The following GSG1L variants were observed in gnomAD, a reference collection of about 807,000 sequenced individuals.
GSG1L encodes the protein GSG1 like, also known as germ cell-specific gene 1-like protein.
GSG1L carries 24 observed loss-of-function variants against 42.1 expected under a neutral mutation model. That is an observed-to-expected ratio of 0.57 (90% CI 0.41 to 0.80). The LOEUF is 0.80. GSG1L is among the 30% of genes least tolerant of loss of function. The pLI, the probability that GSG1L is intolerant of heterozygous loss-of-function variation, is 0.00. For synonymous variants in GSG1L, 215 were observed against 203.5 expected, an observed-to-expected ratio of 1.06 and a Z score of -0.48; for missense variants, 445 against 472.2, an observed-to-expected ratio of 0.94 and a Z score of 0.53.
chr16:27,915,933 T>C (rs2084450298), intron 2 of GSG1L, among the ~76,000 whole-genome samples: 1 of 152,226 alleles, frequency 6.6e-6, no homozygotes, highest in African/African-American at 2.4e-5. Flanking sequence ...CATTTAACTT[T>C]TTTTGCAGTG....
chr16:28,033,504 TA>T, intron 1 of GSG1L, among the ~76,000 whole-genome samples: 1 of 137,088 alleles, frequency 7.3e-6, no homozygotes, highest in East Asian at 2.0e-4. Flanking sequence ...TTAAATCAAA[TA>T]AAAAAGAAAA....
At chr16:27,922,048 G>A (rs1385540855) in intron 2 of GSG1L, among the ~76,000 whole-genome samples, 1 of 138,614 alleles carries the variant, frequency 7.2e-6, no homozygotes, top group African/African-American at 2.7e-5. Context: ...CTTCAGTGCT[G>A]GTGATCAGAA....
At position 27,874,441 on chromosome 16, in the gene GSG1L, C is replaced by CTTTTTTTTTTTTTTTTTTTT. The variant is rs71140916; in HGVS notation, c.550+10025_550+10044dup. On this transcript the variant is annotated intron_variant, in intron 3 of 6. Transcript: ENST00000447459. Reference sequence around the variant, plus strand: ...TCTGGACACTGAAGCACAGGAGAGCCTTTTTTTTTTTTTTTTTTTTTTTTT... The same window carrying CTTTTTTTTTTTTTTTTTTTT: ...TCTGGACACTGAAGCACAGGAGAGCCTTTTTTTTTTTTTTTTTTTTTTTTTTTTTTTTTTTTTTTTTTTTT... Among the ~76,000 whole-genome samples, 7 of 94,472 alleles carry CTTTTTTTTTTTTTTTTTTTT rather than the reference C, an allele frequency of 7.4e-5. 2 individuals are homozygous for CTTTTTTTTTTTTTTTTTTTT. Among genetic ancestry groups the CTTTTTTTTTTTTTTTTTTTT allele is most frequent in the African/African-American group, 1.1e-4 (3 of 26,988 alleles). The allele number at this position is 94,472 out of a possible 152,430, so 62.0% of individuals were successfully genotyped here.
chr16:27,883,267 GAA>G (rs10708292), intron 3 of GSG1L, among the ~76,000 whole-genome samples: 4 of 148,924 alleles, frequency 2.7e-5, no homozygotes, highest in East Asian at 2.0e-4. Flanking sequence ...AGATGGAGGG[GAA>G]AAAAAAAAGA....
chr16:27,909,960 T>C (rs867755921), intron 2 of GSG1L, among the ~76,000 whole-genome samples: 5,085 of 145,714 alleles, frequency 0.035, 215 homozygotes, highest in African/African-American at 0.12. Context: ...TCTTTCTTTT[T>C]TTTTTTTTTT....
intron 2 of GSG1L, among the ~76,000 whole-genome samples, chr16:27,943,562 G>GTTT (rs2084825301): frequency 1.5e-5 from 1 of 67,808 alleles, no homozygotes; most frequent in African/African-American, 5.6e-5. Flanking sequence ...CTTTTTCTTT[G>GTTT]TTTCTTTTTT....
chr16:27,814,286 A>AT (rs2083067611), intron 5 of GSG1L, among the ~76,000 whole-genome samples: 1 of 151,912 alleles, frequency 6.6e-6, no homozygotes, highest in South Asian at 2.1e-4. Context: ...TAATTCTTTC[A>AT]TTTTTTGTAA....
chr16:28,002,674 T>TA (rs569479575), intron 1 of GSG1L, among the ~76,000 whole-genome samples: 88 of 151,840 alleles, frequency 5.8e-4, no homozygotes, highest in African/African-American at 2.0e-3. Flanking sequence ...CTCACGCCTG[T>TA]AATCCCAGCA....
chr16:27,828,804 T>G lies in GSG1L; in HGVS notation c.815A>C (p.Lys272Thr). 6.2e-7 allele frequency: 1 copy of G among 1,614,066 alleles called. No individual in the cohort carries two copies. The highest frequency in any genetic ancestry group is 8.5e-7 in the Non-Finnish European group (1 of 1,179,942). ...GTGCACTGACCTCTCCCGGAAGTAC[T>G]TGATGGCCTCAGGGTCTATGAAGGT... is the stretch of plus-strand genomic sequence containing the variant. ...EPTFIDPEAIKYFRERMEKRD... is the reference protein window; with the variant it reads ...EPTFIDPEAITYFRERMEKRD... The change falls in exon 5 of 7, where the codon AAG (lysine) becomes ACG (threonine). Residue 272 changes from lysine to threonine, a missense_variant. By Grantham distance (78) the Lys-to-Thr change is moderately conservative (BLOSUM62 -1). Transcript: ENST00000447459.
intron 3 of GSG1L, among the ~76,000 whole-genome samples, chr16:27,857,838 G>C (rs2083599116): frequency 6.6e-6 from 1 of 151,592 alleles, no homozygotes; most frequent in African/African-American, 2.4e-5. Context: ...AGCAGGAATA[G>C]TCACTGTATT....
chr16:27,794,431 C>T (rs560743057), intron 6 of GSG1L, among the ~76,000 whole-genome samples: 7 of 152,020 alleles, frequency 4.6e-5, no homozygotes, highest in East Asian at 1.9e-4. Context: ...CCCGGGTTCA[C>T]GCCATTCTCC....
chr16:27,804,077 A>AGATAGATAGAT (rs2082927846), intron 6 of GSG1L, among the ~76,000 whole-genome samples: 2 of 152,066 alleles, frequency 1.3e-5, no homozygotes, highest in African/African-American at 4.8e-5. Context: ...ATAGATAGAT[A>AGATAGATAGAT]GATAAAGAAA....
At chr16:27,815,638 G>T (rs2083086645) in intron 5 of GSG1L, among the ~76,000 whole-genome samples, 1 of 152,150 alleles carries the variant, frequency 6.6e-6, no homozygotes, top group Non-Finnish European at 1.5e-5. Flanking sequence ...ATCCCTCCAG[G>T]GGTTGGGGCA....
chr16:27,883,131 AAAAAAAAAG>A (rs1170494959), intron 3 of GSG1L, among the ~76,000 whole-genome samples: 12 of 88,638 alleles, frequency 1.4e-4, no homozygotes, highest in South Asian at 3.9e-4. Flanking sequence ...AAAAAAAAAA[AAAAAAAAAG>A]AGAGAGAGAG....
intron 2 of GSG1L, among the ~76,000 whole-genome samples, chr16:27,929,422 G>T (rs62033485): frequency 1.3e-5 from 2 of 152,168 alleles, no homozygotes; most frequent in African/African-American, 2.4e-5. Context: ...AAGTGAGCCC[G>T]GTGGGAATCA....
intron 1 of GSG1L, among the ~76,000 whole-genome samples, chr16:28,061,323 T>A (rs1345542300): frequency 6.6e-6 from 1 of 152,216 alleles, no homozygotes; most frequent in Admixed American, 6.5e-5. Flanking sequence ...ATAATTTTAA[T>A]TGCATCCCAC....
chr16:27,831,426 C>A (rs1352139467), intron 4 of GSG1L, among the ~76,000 whole-genome samples: 1 of 152,136 alleles, frequency 6.6e-6, no homozygotes, highest in Non-Finnish European at 1.5e-5. Context: ...GCTATAAATT[C>A]TCCTTTTTTG....
At chr16:28,048,379 A>T (rs1407524688) in intron 1 of GSG1L, among the ~76,000 whole-genome samples, 1 of 152,210 alleles carries the variant, frequency 6.6e-6, no homozygotes, top group Non-Finnish European at 1.5e-5. Context: ...TTTCTCTATC[A>T]TTCATTAAAT....
rs2086374258 is a variant in GSG1L at position 28,063,689 on chromosome 16, A to T, written c.-265T>A. 6.7e-6 allele frequency among the ~76,000 whole-genome samples: 1 copy of T among 149,262 alleles called. No homozygotes were observed. Among genetic ancestry groups the T allele is most frequent in the Non-Finnish European group, 1.5e-5 (1 of 67,058 alleles). Reference sequence around the variant, plus strand: ...CGCCCGGAGCCCGGAGCGCGAGTGCACCTCGGCTAGGAGCCGCTGGCGCCT... The same window carrying T: ...CGCCCGGAGCCCGGAGCGCGAGTGCTCCTCGGCTAGGAGCCGCTGGCGCCT... On this transcript the variant is annotated 5_prime_UTR_variant, in exon 1 of 7. Transcript: ENST00000447459. The surrounding 1 kb of genome is among the most constrained non-coding windows in gnomAD (Gnocchi z 5.8).
Sources: gnomAD v4.1 joint callset for allele counts (sites outside exome capture counted in the v4.1 genomes callset) on GRCh38, gnomAD v4.1.1 for gene constraint, Gnocchi (gnomAD v3.1) non-coding constraint, MANE v1.5 for transcripts, NCBI Gene and HGNC (gene_info 2026-07-23, HGNC 2026-07-21) for gene names.